The following NBPF10 variants were observed in gnomAD, a reference collection of about 807,000 sequenced individuals.
NBPF10 encodes the protein NBPF family member NBPF10.
Under a neutral mutation model 77.9 loss-of-function variants are expected in NBPF10, and 63 were observed. The ratio of observed to expected loss-of-function variants is 0.81; its 90% CI spans 0.66 to 1.00. The LOEUF (loss-of-function observed/expected upper bound fraction) is 1.00, where lower values mean the gene tolerates loss of function less well. Among genes scored for constraint, NBPF10 ranks in the 50% least tolerant of loss-of-function variants. The pLI is 0.00. For synonymous variants in NBPF10, 146 were observed against 264.5 expected, an observed-to-expected ratio of 0.55 and a Z score of 4.35; for missense variants, 522 against 679.8, an observed-to-expected ratio of 0.77 and a Z score of 2.58.
chr1:146,067,349 C>G (rs1655222700), intron 88 of NBPF10, 61 bp from the exon 89 acceptor site: 2 of 430,286 alleles, frequency 4.6e-6, no homozygotes, highest in South Asian at 3.8e-5. Flanking sequence ...ACATAAAAAT[C>G]CACTGTCTAA....
chr1:146,125,853 T>C (rs3928836), intron 14 of NBPF10, among the ~76,000 whole-genome samples: 4 of 150,878 alleles, frequency 2.7e-5, no homozygotes, highest in East Asian at 1.9e-4. Flanking sequence ...TTCAGCCCTG[T>C]CTCATCAAAT....
At chr1:146,129,225 G>T (rs368945487) in intron 11 of NBPF10, among the ~76,000 whole-genome samples, 14 of 151,162 alleles carry the variant, frequency 9.3e-5, no homozygotes, top group East Asian at 2.0e-4. Flanking sequence ...CGAACTCATC[G>T]CAAGGAAGCT....
intron 80 of NBPF10, among the ~76,000 whole-genome samples, chr1:146,074,024 A>G (rs1403815156): frequency 1.0e-5 from 1 of 95,980 alleles, no homozygotes; most frequent in Admixed American, 1.1e-4. Context: ...GCCCAGATCC[A>G]ACATCTTGAG....
chr1:146,076,294 C>CAT (rs1162639432), intron 77 of NBPF10, among the ~76,000 whole-genome samples: 21 of 13,008 alleles, frequency 1.6e-3, no homozygotes, highest in South Asian at 4.1e-3. Flanking sequence ...CACACACACA[C>CAT]ACACACACAG....
In NBPF10 at chr1:146,065,400, ATGCAGCTACATTATCTTTTTACTT is replaced by A. The variant is rs1654910189; in HGVS notation, c.*894_*917del. On this transcript the variant is annotated 3_prime_UTR_variant, in exon 90 of 90. Coordinates refer to ENST00000583866, the Ensembl canonical transcript of NBPF10. ...TTTGGGGTTCAAAATAACTAAAGAA[ATGCAGCTACATTATCTTTTTACTT>A]TTTTTGAACCCAAAATATTTCTTCT... 1.3e-4 allele frequency: 3 copies of A among 22,740 alleles called. 1 individual carries two copies. The South Asian group carries it at 4.0e-3, about 30-fold the overall frequency. 1.4% of individuals were successfully genotyped at this position (22,740 alleles called of 1,614,324 possible). A position where few individuals can be genotyped will look rare whatever the true frequency, so the allele number is the denominator to read the frequency against.
intron 89 of NBPF10, among the ~76,000 whole-genome samples, chr1:146,066,791 G>C (rs1449259793): frequency 6.6e-6 from 1 of 152,010 alleles, no homozygotes; most frequent in African/African-American, 2.4e-5. Flanking sequence ...GACAGAGACA[G>C]AGAGAAAGTG....
chr1:146,133,560 AGAG>A (rs1321794021), exon 10 of NBPF10: 2 of 246,380 alleles, frequency 8.1e-6, no homozygotes, highest in Admixed American at 1.7e-4. Context: ...ATTCAACATG[AGAG>A]GATGAGCCAA....
exon 10 of NBPF10, chr1:146,133,708 T>A (rs375765819): frequency 6.0e-6 from 2 of 331,828 alleles, no homozygotes; most frequent in South Asian, 5.0e-5. Flanking sequence ...GACTTCCTTT[T>A]CTTCAGCCTT....
At chr1:146,125,582 G>A in intron 14 of NBPF10, 66 bp from the exon 15 acceptor site, 3 of 610,186 alleles carry the variant, frequency 4.9e-6, no homozygotes, top group South Asian at 3.2e-5. Flanking sequence ...ACAATCCACT[G>A]TCTAATCCTC....
chr1:146,126,649 C>CAATT (rs1658729817), intron 13 of NBPF10, among the ~76,000 whole-genome samples: 1 of 135,246 alleles, frequency 7.4e-6, no homozygotes, highest in African/African-American at 2.7e-5. Context: ...CGAGCTCAGT[C>CAATT]AATTGGTCAG....
chr1:146,067,884 A>G, intron 88 of NBPF10, 119 bp downstream of exon 88: 1 of 698,446 alleles, frequency 1.4e-6, no homozygotes, highest in Admixed American at 2.0e-5. Flanking sequence ...ATATGCGCCC[A>G]TAGGTCCTGC....
chr1:146,139,838 T>G, exon 5 of NBPF10: 2 of 629,310 alleles, frequency 3.2e-6, no homozygotes, highest in South Asian at 3.8e-5. Flanking sequence ...ATCCTGACAT[T>G]CATCATGAGA....
intron 13 of NBPF10, 145 bp from the exon 14 acceptor site, chr1:146,126,553 G>A (rs1172733120): frequency 1.7e-5 from 12 of 705,200 alleles, no homozygotes; most frequent in South Asian, 1.7e-4. Context: ...TTGCCTTTAT[G>A]TTGGGATTGA....
chr1:146,076,260 C>CACACACACAA (rs1656034147), intron 77 of NBPF10, among the ~76,000 whole-genome samples: 2 of 11,828 alleles, frequency 1.7e-4, no homozygotes, highest in African/African-American at 3.3e-4. Context: ...CACACACACA[C>CACACACACAA]ACACACACAC....
intron 19 of NBPF10, 103 bp from the exon 20 acceptor site, chr1:146,121,773 A>G: frequency 1.6e-6 from 1 of 606,076 alleles, no homozygotes; most frequent in East Asian, 3.1e-5. Context: ...TGAAAAGAAA[A>G]AGGACAGATC....
In NBPF10 at chr1:146,134,309, G is replaced by C. The variant is rs587607063; in HGVS notation, c.1307-44C>G. On this transcript the variant is annotated intron_variant, in intron 8 of 89. Coordinates refer to ENST00000583866, the Ensembl canonical transcript of NBPF10. ...TCGTTCAGGTATTTCCCACTTCACA[G>C]TCTGCAAGCACAGTCAGCCCAATGT... 14 of 1,588,660 alleles carry C rather than the reference G, an allele frequency of 8.8e-6. No individual in the cohort carries two copies. In the East Asian group the frequency reaches 2.5e-4, roughly 28 times the overall value.
intron 88 of NBPF10, among the ~76,000 whole-genome samples, 158 bp from the exon 89 acceptor site, chr1:146,067,446 T>C (rs1473026649): frequency 2.4e-5 from 3 of 123,556 alleles, no homozygotes; most frequent in Non-Finnish European, 3.3e-5. Flanking sequence ...CTGGTCATGA[T>C]AGAAATTCCT....
chr1:146,076,256 C>CACAA, intron 77 of NBPF10, among the ~76,000 whole-genome samples: 1 of 11,394 alleles, frequency 8.8e-5, no homozygotes, highest in African/African-American at 1.7e-4. Context: ...CACACACACA[C>CACAA]ACACACACAC....
chr1:146,067,076 C>G (rs1460649051), intron 89 of NBPF10, 104 bp downstream of exon 89: 1 of 586,574 alleles, frequency 1.7e-6, no homozygotes, highest in African/African-American at 1.8e-5. Flanking sequence ...AGGAGTAATT[C>G]AGCCTTCGTT....
Sources: allele counts gnomAD v4.1 joint callset (sites outside exome capture counted in the v4.1 genomes callset), GRCh38; gene constraint gnomAD v4.1.1; transcripts MANE v1.5; gene names NCBI Gene and HGNC (gene_info 2026-07-23, HGNC 2026-07-21).